Variants in MARK1 observed in about 807,000 individuals in gnomAD.
The protein encoded by MARK1 is serine/threonine-protein kinase MARK1.
MARK1 carries 40 observed loss-of-function variants against 96.3 expected under a neutral mutation model. The observed-to-expected ratio is 0.42, with a 90% confidence interval of 0.32 to 0.54. MARK1 has a LOEUF of 0.54. Ranked by LOEUF, MARK1 falls within the 20% of genes least tolerant of loss-of-function variation. The pLI, the probability that MARK1 is intolerant of heterozygous loss-of-function variation, is 0.16. For missense variants in MARK1, 719 were observed against 984.6 expected (o/e 0.73, Z 3.61); for synonymous variants, 317 against 341.2 (o/e 0.93, Z 0.78).
At chr1:220,649,980 T>A (rs973270054) in intron 13 of MARK1, among the ~76,000 whole-genome samples, 6 of 152,200 alleles carry the variant, frequency 3.9e-5, no homozygotes, top group African/African-American at 1.4e-4. Flanking sequence ...ATTACCTGCC[T>A]ATCCCTTTTT....
intron 5 of MARK1, among the ~76,000 whole-genome samples, chr1:220,602,297 G>T (rs1665797218): frequency 1.3e-5 from 2 of 152,156 alleles, no homozygotes; most frequent in African/African-American, 4.8e-5. Context: ...CAGGACTACT[G>T]TGGAATGATG....
chr1:220,611,394 G>T (rs1238643856), intron 6 of MARK1, among the ~76,000 whole-genome samples: 2 of 152,254 alleles, frequency 1.3e-5, no homozygotes, highest in African/African-American at 4.8e-5. Context: ...GCACGGGAGA[G>T]AATCACCTTG....
intron 2 of MARK1, 117 bp downstream of exon 2, chr1:220,579,674 G>T (rs1664100068): frequency 4.0e-6 from 3 of 754,408 alleles, no homozygotes; most frequent in Non-Finnish European, 4.5e-6. Context: ...TAACACTGGG[G>T]TGTGTGTGAA....
chr1:220,629,641 A>G (rs1052520439), intron 9 of MARK1, among the ~76,000 whole-genome samples: 5 of 152,156 alleles, frequency 3.3e-5, no homozygotes, highest in Admixed American at 6.6e-5. Context: ...TCACCATTCT[A>G]TTATACTTTA....
In MARK1 at chr1:220,618,795, T is replaced by C. The variant is rs1192935347; in HGVS notation, c.909+40T>C. 2.0e-6 allele frequency: 3 copies of C among 1,521,280 alleles called. No individual in the cohort carries two copies. Among genetic ancestry groups the C allele is most frequent in the Non-Finnish European group, 2.7e-6 (3 of 1,130,094 alleles). 94.2% of individuals were successfully genotyped at this position (1,521,280 alleles called of 1,614,324 possible). A position where few individuals can be genotyped will look rare whatever the true frequency, so the allele number is the denominator to read the frequency against. ...GTACTCCAAATTTAAATTTTAACAATTAAAATATTCCAGGAACCGAAGAGC... is the reference window on the plus strand; with the variant it reads ...GTACTCCAAATTTAAATTTTAACAACTAAAATATTCCAGGAACCGAAGAGC... On this transcript the variant is annotated intron_variant, in intron 9 of 17. Coordinates refer to ENST00000366917, the MANE Select transcript of MARK1 (RefSeq NM_018650.5). The surrounding 1 kb of genome is among the most constrained non-coding windows in gnomAD (Gnocchi z 4.6).
intron 3 of MARK1, among the ~76,000 whole-genome samples, chr1:220,587,509 C>T (rs1321379196): frequency 6.6e-6 from 1 of 152,088 alleles, no homozygotes; most frequent in Admixed American, 6.5e-5. Context: ...GCTGGGATTA[C>T]AGGTGCCCGC....
intron 16 of MARK1, 112 bp from the exon 17 acceptor site, chr1:220,657,678 G>T (rs1430326735): frequency 3.0e-6 from 2 of 673,672 alleles, no homozygotes; most frequent in South Asian, 4.7e-5. Context: ...ATAGAAAACT[G>T]TCATGGTAGA....
At chr1:220,649,103 T>C (rs1668732402) in intron 13 of MARK1, among the ~76,000 whole-genome samples, 1 of 152,238 alleles carries the variant, frequency 6.6e-6, no homozygotes, top group Non-Finnish European at 1.5e-5. Flanking sequence ...AATGAAACAA[T>C]TTCTTTCAAA....
intron 7 of MARK1, among the ~76,000 whole-genome samples, chr1:220,617,894 C>G (rs73105454): frequency 0.041 from 6,188 of 152,094 alleles, 394 homozygotes; most frequent in African/African-American, 0.14. Context: ...CCAACAATAC[C>G]CTATTAAAAT....
chr1:220,655,341 C>A, intron 16 of MARK1, among the ~76,000 whole-genome samples: 1 of 152,190 alleles, frequency 6.6e-6, no homozygotes, highest in South Asian at 2.1e-4. Flanking sequence ...CTCTAGCGCA[C>A]ATCTTTCTGC....
At chr1:220,586,725 A>G (rs1664652444) in intron 3 of MARK1, among the ~76,000 whole-genome samples, 1 of 152,224 alleles carries the variant, frequency 6.6e-6, no homozygotes, top group Admixed American at 6.5e-5. Flanking sequence ...TCTTGAGGGA[A>G]ATGAAGGAGG....
chr1:220,577,170 A>T (rs1280866194), intron 1 of MARK1, among the ~76,000 whole-genome samples: 1 of 152,076 alleles, frequency 6.6e-6, no homozygotes, highest in Non-Finnish European at 1.5e-5. Context: ...AGTCCCAGCT[A>T]CTCAAGAGGC....
intron 1 of MARK1, chr1:220,576,534 TTAA>T (rs1413149294): frequency 1.3e-5 from 2 of 152,138 alleles, no homozygotes; most frequent in African/African-American, 4.8e-5. Flanking sequence ...AAATTTGGGA[TTAA>T]TAATACAGTC....
In MARK1 at chr1:220,635,495, A is replaced by G; in HGVS notation, c.1242A>G (p.Ser414=). 1.2e-6 allele frequency: 2 copies of G among 1,612,562 alleles called. No homozygotes were observed. Among genetic ancestry groups the G allele is most frequent in the Non-Finnish European group, 1.7e-6 (2 of 1,179,648 alleles). Residue 414 remains serine, a synonymous_variant, in exon 12 of 18, where the codon TCA becomes TCG. Transcript: ENST00000366917. ...ACCTGAAGGTCCAGAGAAGTATCTC[A>G]GCAAATCAGAAGCAGCGGCGTTTCA... ...PAHLKVQRSI[S]ANQKQRRFSD...
intron 1 of MARK1, among the ~76,000 whole-genome samples, chr1:220,545,040 A>G (rs1448702440): frequency 6.6e-6 from 1 of 152,188 alleles, no homozygotes; most frequent in Non-Finnish European, 1.5e-5. Context: ...TAGAACACAG[A>G]GTAAAGAAGG....
In MARK1 at chr1:220,632,240, A is replaced by G. The variant is rs1667718625; in HGVS notation, c.1049A>G (p.Asn350Ser). 1 of 1,557,826 alleles carries G rather than the reference A, an allele frequency of 6.4e-7. No individual in the cohort carries two copies. The highest frequency in any genetic ancestry group is 1.4e-5 in the African/African-American group (1 of 72,502). Reference protein sequence around the residue: ...VTMGFARDEINDALINQKYDE... With the variant: ...VTMGFARDEISDALINQKYDE... ...ATGGGCTTTGCACGAGATGAAATAA[A>G]TGATGCCTTAATAAATCAGAAGTAT... Residue 350 changes from asparagine (N) to serine (S), a missense_variant, in exon 11 of 18, where the codon AAT becomes AGT. Asn to Ser is a conservative substitution (Grantham distance 46). This residue lies in a region of MARK1 where 501 missense variants were observed against 588.3 expected (regional missense o/e 0.85). Transcript: ENST00000366917.
At chr1:220,534,773 A>G (rs1334641953) in intron 1 of MARK1, among the ~76,000 whole-genome samples, 2 of 152,168 alleles carry the variant, frequency 1.3e-5, no homozygotes, top group African/African-American at 4.8e-5. Context: ...GGGATCATGT[A>G]ACATTTATCC....
At chr1:220,593,605 A>G (rs74139781) in intron 3 of MARK1, among the ~76,000 whole-genome samples, 1,706 of 152,126 alleles carry the variant, frequency 0.011, 25 homozygotes, top group African/African-American at 0.039. Context: ...CCCCACCCCT[A>G]CTGTCAGCCT....
At chr1:220,561,429 GTTC>G (rs1662661648) in intron 1 of MARK1, among the ~76,000 whole-genome samples, 1 of 152,056 alleles carries the variant, frequency 6.6e-6, no homozygotes, top group Non-Finnish European at 1.5e-5. Flanking sequence ...GCCCAAGACA[GTTC>G]TTCTTCTTCC....
Sources: allele counts gnomAD v4.1 joint callset (sites outside exome capture counted in the v4.1 genomes callset), GRCh38; gene constraint gnomAD v4.1.1; regional missense constraint gnomAD v4.1.1; non-coding constraint Gnocchi (gnomAD v3.1); transcripts MANE v1.5; gene names NCBI Gene and HGNC (gene_info 2026-07-23, HGNC 2026-07-21).